Variants in OR1J2 observed in about 807,000 individuals in gnomAD.
OR1J2 encodes the protein olfactory receptor 1J2.
For missense variants in OR1J2, 304 were observed against 246.1 expected (o/e 1.24, Z -1.57); for synonymous variants, 142 against 99.7 (o/e 1.42, Z -2.52).
the OR1J2 span, among the ~76,000 whole-genome samples, chr9:122,534,770 C>T: frequency 5.3e-5 from 8 of 152,126 alleles, no homozygotes; most frequent in East Asian, 3.9e-4. Flanking sequence ...AGGAAGATTT[C>T]GGACGATTTG....
Position 122,510,934 on chromosome 9 carries a change from A to T in OR1J2, c.133A>T (p.Ile45Phe). ...YLTTVLGNLL[I>F]MLLIQLDSHL... ...GACCACGGTGCTGGGGAACCTGCTC[A>T]TCATGCTGCTCATCCAGCTGGACTC... Residue 45 changes from isoleucine (I) to phenylalanine (F), a missense_variant, in exon 1 of 1, where the codon ATC (isoleucine) becomes TTC (phenylalanine). Coordinates refer to ENST00000335302, the MANE Select transcript of OR1J2 (RefSeq NM_054107.1). 6.2e-7 allele frequency: 1 copy of T among 1,612,500 alleles called. No homozygotes were observed. Among genetic ancestry groups the T allele is most frequent in the Non-Finnish European group, 8.5e-7 (1 of 1,178,592 alleles).
At chr9:122,550,664 A>G in the OR1J2 span, among the ~76,000 whole-genome samples, 1 of 152,130 alleles carries the variant, frequency 6.6e-6, no homozygotes, top group Admixed American at 6.6e-5. Flanking sequence ...AATCATCTCA[A>G]TAGATATAGA....
At chr9:122,527,371 A>G in the OR1J2 span, 2 of 811,856 alleles carry the variant, frequency 2.5e-6, no homozygotes, top group South Asian at 3.6e-5. Flanking sequence ...CTGACTCCCA[A>G]ATCTCCCTTT....
chr9:122,483,330 TGAA>T, the OR1J2 span, among the ~76,000 whole-genome samples: 2 of 152,164 alleles, frequency 1.3e-5, no homozygotes, highest in African/African-American at 2.4e-5. Flanking sequence ...TTTGTAATAA[TGAA>T]GAACTGAAAC....
the OR1J2 span, among the ~76,000 whole-genome samples, chr9:122,539,300 T>C: frequency 1.3e-5 from 2 of 152,102 alleles, no homozygotes; most frequent in Non-Finnish European, 2.9e-5. Context: ...GTGTGTGATG[T>C]TCCCCTTCCT....
the OR1J2 span, among the ~76,000 whole-genome samples, chr9:122,453,208 G>A: frequency 1.3e-5 from 2 of 152,090 alleles, no homozygotes; most frequent in South Asian, 2.1e-4. Context: ...GCAGAACCAT[G>A]AGCCAATTAA....
the OR1J2 span, among the ~76,000 whole-genome samples, chr9:122,503,760 A>G: frequency 1.3e-5 from 2 of 152,152 alleles, no homozygotes; most frequent in Non-Finnish European, 2.9e-5. Context: ...ACCAACACCA[A>G]AGAATCCATG....
the OR1J2 span, among the ~76,000 whole-genome samples, chr9:122,522,541 ATGT>A: frequency 1.3e-3 from 196 of 152,084 alleles, no homozygotes; most frequent in African/African-American, 4.3e-3. Context: ...AAACCCATTA[ATGT>A]TGTGATGGTT....
chr9:122,558,365 G>A, the OR1J2 span, among the ~76,000 whole-genome samples: 1 of 82,908 alleles, frequency 1.2e-5, no homozygotes, highest in Non-Finnish European at 2.2e-5. Context: ...TTCAACTGGT[G>A]TTTTATCTCT....
chr9:122,512,360 A>C (rs772560238), downstream of OR1J2, among the ~76,000 whole-genome samples: 3 of 152,164 alleles, frequency 2.0e-5, no homozygotes, highest in Non-Finnish European at 2.9e-5. Flanking sequence ...GATTGTCAAA[A>C]CTCAGATTCC....
At chr9:122,518,453 T>C in the OR1J2 span, among the ~76,000 whole-genome samples, 1 of 152,228 alleles carries the variant, frequency 6.6e-6, no homozygotes, top group African/African-American at 2.4e-5. Flanking sequence ...GCCTTCCTGC[T>C]GAGTCCTCAC....
At chr9:122,499,741 T>C in the OR1J2 span, among the ~76,000 whole-genome samples, 1 of 152,176 alleles carries the variant, frequency 6.6e-6, no homozygotes, top group Non-Finnish European at 1.5e-5. Context: ...AAGATCTATG[T>C]CCAGGAAGGG....
the OR1J2 span, chr9:122,477,731 A>C: frequency 6.2e-7 from 1 of 1,614,172 alleles, no homozygotes; most frequent in Non-Finnish European, 8.5e-7. Context: ...GTGAGGGCCA[A>C]GTGGCTAAGG....
At chr9:122,484,556 C>A in the OR1J2 span, among the ~76,000 whole-genome samples, 1 of 152,066 alleles carries the variant, frequency 6.6e-6, no homozygotes, top group Non-Finnish European at 1.5e-5. Flanking sequence ...GAACAAATCT[C>A]CTCTTAGGCC....
chr9:122,552,098 C>T, the OR1J2 span, among the ~76,000 whole-genome samples: 8 of 151,480 alleles, frequency 5.3e-5, no homozygotes, highest in Admixed American at 3.3e-4. Flanking sequence ...CACACATATA[C>T]ACCTTCCTTC....
the OR1J2 span, among the ~76,000 whole-genome samples, chr9:122,502,000 A>ACC: frequency 6.6e-6 from 1 of 152,074 alleles, no homozygotes; most frequent in Admixed American, 6.5e-5. Context: ...TCATGTATGA[A>ACC]CTCCTGTCTG....
chr9:122,467,804 T>G, the OR1J2 span, among the ~76,000 whole-genome samples: 1 of 152,208 alleles, frequency 6.6e-6, no homozygotes, highest in Non-Finnish European at 1.5e-5. Flanking sequence ...CTCTCTGAGT[T>G]ATAAACCATA....
the OR1J2 span, among the ~76,000 whole-genome samples, chr9:122,499,096 G>A: frequency 5.9e-5 from 9 of 152,254 alleles, no homozygotes; most frequent in Non-Finnish European, 1.2e-4. Flanking sequence ...GGAATGCACA[G>A]TAGTCTGAGC....
chr9:122,546,032 G>A, the OR1J2 span, among the ~76,000 whole-genome samples: 10,067 of 152,036 alleles, frequency 0.066, 448 homozygotes, highest in South Asian at 0.22. Context: ...CGTGTGTGTT[G>A]GGGGGTGGAT....
Sources: gnomAD v4.1 joint callset for allele counts (sites outside exome capture counted in the v4.1 genomes callset) on GRCh38, gnomAD v4.1.1 for gene constraint, MANE v1.5 for transcripts, NCBI Gene and HGNC (gene_info 2026-07-23, HGNC 2026-07-21) for gene names.